The following ARHGEF33 variants were observed in gnomAD, a reference collection of about 807,000 sequenced individuals.
ARHGEF33 encodes the protein DH and coiled-coil domain-containing protein ENSP00000381780.
Under a neutral mutation model 101.9 loss-of-function variants are expected in ARHGEF33, and 72 were observed. That is an observed-to-expected ratio of 0.71 (90% CI 0.58 to 0.86). The LOEUF is 0.86. Among genes scored for constraint, ARHGEF33 ranks in the 40% least tolerant of loss-of-function variants. The pLI is 0.00. For missense variants in ARHGEF33, 1,169 were observed against 1,111.3 expected (o/e 1.05, Z -0.74); for synonymous variants, 499 against 442.5 (o/e 1.13, Z -1.60).
At chr2:38,942,494 GA>G (rs1361103557) in intron 9 of ARHGEF33, among the ~76,000 whole-genome samples, 1 of 141,814 alleles carries the variant, frequency 7.1e-6, no homozygotes, top group Non-Finnish European at 1.5e-5. Flanking sequence ...TTAAGAAAGG[GA>G]GATTTCTTTT....
In ARHGEF33 at chr2:38,960,035, A is replaced by G. The variant is rs1667874962; in HGVS notation, c.1730A>G (p.Glu577Gly). Residue 577 changes from glutamate (E) to glycine (G), a missense_variant, in exon 16 of 18, where the codon GAG (glutamate) becomes GGG (glycine). Coordinates refer to ENST00000409978, the MANE Select transcript of ARHGEF33 (RefSeq NM_001145451.5). The stretch of plus-strand genomic sequence containing the variant: ...GCCGGGCCCCTGCAGGCCATCCCGG[A>G]GATGGACTTCGAGTCCTCTCCGGCG... The part of the protein sequence containing the change: ...ALAGPLQAIP[E>G]MDFESSPAEP... 6.5e-7 allele frequency: 1 copy of G among 1,545,528 alleles called. No homozygotes were observed. Among genetic ancestry groups the G allele is most frequent in the Admixed American group, 2.0e-5 (1 of 50,826 alleles).
chr2:38,943,986 C>T lies in ARHGEF33; in HGVS notation c.876C>T (p.Ala292=), dbSNP rs1667376659. Residue 292 remains alanine, a synonymous_variant, in exon 10 of 18, where the codon GCC becomes GCT. Transcript: ENST00000409978. ...TCTCTCTGATCTTGAAGATAAAAGC[C>T]ACATTCCAGGGGTCAGATGGAAAGA... The part of the protein sequence containing the change: ...INISLILKIK[A]TFQGSDGKRN... The T allele has an allele frequency of 1.3e-6, 2 of 1,551,386 alleles. No homozygotes were observed. The highest frequency in any genetic ancestry group is 1.4e-5 in the African/African-American group (1 of 73,022).
intron 4 of ARHGEF33, among the ~76,000 whole-genome samples, chr2:38,922,799 A>G (rs920348272): frequency 1.3e-5 from 2 of 152,198 alleles, no homozygotes; most frequent in African/African-American, 4.8e-5. Flanking sequence ...ATGAATTAGT[A>G]TTGACTGGAG....
intron 13 of ARHGEF33, among the ~76,000 whole-genome samples, chr2:38,955,045 C>G (rs943141760): frequency 1.3e-5 from 2 of 152,194 alleles, no homozygotes; most frequent in African/African-American, 4.8e-5. Context: ...TAGAACCACT[C>G]CTGCTAGATT....
At chr2:38,915,726 A>G (rs144894086) in intron 2 of ARHGEF33, among the ~76,000 whole-genome samples, 2 of 152,258 alleles carry the variant, frequency 1.3e-5, no homozygotes, top group East Asian at 1.9e-4. Flanking sequence ...CTAACTTACT[A>G]TCCATCACAC....
intron 15 of ARHGEF33, 48 bp downstream of exon 15, chr2:38,958,246 C>T (rs1219408583): frequency 6.5e-7 from 1 of 1,546,198 alleles, no homozygotes; most frequent in Non-Finnish European, 8.7e-7. Context: ...CCTTTGGGAC[C>T]CAGCCAGTCT....
intron 15 of ARHGEF33, among the ~76,000 whole-genome samples, chr2:38,959,096 CAATTT>C (rs1667847393): frequency 6.6e-6 from 1 of 152,226 alleles, no homozygotes; most frequent in Non-Finnish European, 1.5e-5. Flanking sequence ...TTACATCTGT[CAATTT>C]AAGTCCAGAA....
intron 11 of ARHGEF33, among the ~76,000 whole-genome samples, chr2:38,952,721 C>A (rs746852621): frequency 6.6e-6 from 1 of 150,742 alleles, no homozygotes; most frequent in East Asian, 1.9e-4. Context: ...TTTTTTGAGC[C>A]GGAGTCTCAC....
Position 38,944,017 on chromosome 2 carries a change from T to C in ARHGEF33, c.907T>C (p.Ser303Pro). 1.9e-6 allele frequency: 3 copies of C among 1,550,094 alleles called. No individual in the cohort carries two copies. The South Asian group carries it at 3.6e-5, about 19-fold the overall frequency. The change falls in exon 10 of 18, where the codon TCC becomes CCC. Residue 303 changes from serine (S) to proline (P), a missense_variant. Physicochemically the swap from Ser to Pro is moderately conservative, Grantham distance 74. Coordinates refer to ENST00000409978, the MANE Select transcript of ARHGEF33 (RefSeq NM_001145451.5). ...TFQGSDGKRN[S>P]KERSLFPGSL... ...CCAGGGGTCAGATGGAAAGAGGAAT[T>C]CCAAAGAGAGAAGGTATCCATGCAC...
At chr2:38,904,996 C>A (rs1000286237) in intron 2 of ARHGEF33, among the ~76,000 whole-genome samples, 3 of 152,100 alleles carry the variant, frequency 2.0e-5, no homozygotes, top group Non-Finnish European at 4.4e-5. Flanking sequence ...GGCGATCATT[C>A]CGAGGTCTTG....
At chr2:38,914,917 T>TA (rs1199686263) in intron 2 of ARHGEF33, among the ~76,000 whole-genome samples, 15 of 152,198 alleles carry the variant, frequency 9.9e-5, no homozygotes, top group Non-Finnish European at 1.8e-4. Flanking sequence ...ACAGCCACAA[T>TA]AAAAACAGTA....
At chr2:38,909,646 T>C (rs1666466722) in intron 2 of ARHGEF33, among the ~76,000 whole-genome samples, 1 of 151,680 alleles carries the variant, frequency 6.6e-6, no homozygotes, top group African/African-American at 2.4e-5. Flanking sequence ...ACCCCTATTT[T>C]AATTTTAATT....
chr2:38,951,208 C>A (rs546754970), intron 11 of ARHGEF33, 87 bp downstream of exon 11: 29 of 1,298,896 alleles, frequency 2.2e-5, no homozygotes, highest in Admixed American at 1.4e-4. Context: ...AATCTAGAAG[C>A]AGTGAATTTC....
chr2:38,959,933 G>A lies in ARHGEF33; in HGVS notation c.1628G>A (p.Gly543Asp), dbSNP rs998668435. 8.4e-6 allele frequency: 13 copies of A among 1,551,742 alleles called. No individual in the cohort carries two copies. The highest frequency in any genetic ancestry group is 8.2e-5 in the African/African-American group (6 of 73,170). ...PGKPSDWELE[G>D]RKHERPESLL... ...AAGCCCAGTGACTGGGAGCTGGAGGGCAGGAAGCACGAGCGGCCCGAGAGC... is the reference window on the plus strand; with the variant it reads ...AAGCCCAGTGACTGGGAGCTGGAGGACAGGAAGCACGAGCGGCCCGAGAGC... The change falls in exon 16 of 18, where the codon GGC becomes GAC. Residue 543 changes from glycine (G) to aspartate (D), a missense_variant. Transcript: ENST00000409978.
At chr2:38,899,275 A>G (rs1666189955) in intron 2 of ARHGEF33, among the ~76,000 whole-genome samples, 1 of 152,192 alleles carries the variant, frequency 6.6e-6, no homozygotes, top group Non-Finnish European at 1.5e-5. Flanking sequence ...TCATTAAAAA[A>G]TATTTGATAA....
chr2:38,898,333 T>G (rs776486877), intron 2 of ARHGEF33, among the ~76,000 whole-genome samples: 4 of 152,232 alleles, frequency 2.6e-5, no homozygotes, highest in African/African-American at 9.6e-5. Context: ...AACACAAAAT[T>G]TGGGCAGCAC....
chr2:38,967,875 C>T (rs374091146), intron 17 of ARHGEF33, among the ~76,000 whole-genome samples: 2 of 151,270 alleles, frequency 1.3e-5, no homozygotes, highest in Non-Finnish European at 1.5e-5. Flanking sequence ...CCACCGCACC[C>T]GGCCAGACTC....
At position 38,937,445 on chromosome 2, in the gene ARHGEF33, G is replaced by T; in HGVS notation, c.676G>T (p.Gly226Cys). 6.5e-7 allele frequency: 1 copy of T among 1,549,898 alleles called. No homozygotes were observed. Among genetic ancestry groups the T allele is most frequent in the Non-Finnish European group, 8.7e-7 (1 of 1,145,920 alleles). ...TGGCATGTGGAGGCAGCCTAAGGATGGTAAAGAATGGGGTGAAGAATACGT... is the reference window on the plus strand; with the variant it reads ...TGGCATGTGGAGGCAGCCTAAGGATTGTAAAGAATGGGGTGAAGAATACGT... ...PSGMWRQPKD[G>C]KEWGEEYVTK... Residue 226 changes from glycine to cysteine, a missense_variant, in exon 9 of 18, where the codon GGT becomes TGT. By Grantham distance (159) the Gly-to-Cys change is radical. Transcript: ENST00000409978.
At chr2:38,965,160 T>G (rs1467082374) in intron 16 of ARHGEF33, among the ~76,000 whole-genome samples, 1 of 152,200 alleles carries the variant, frequency 6.6e-6, no homozygotes, top group African/African-American at 2.4e-5. Flanking sequence ...TTTGACTTCT[T>G]GGGGTTCTCT....
Sources: allele counts gnomAD v4.1 joint callset (sites outside exome capture counted in the v4.1 genomes callset), GRCh38; gene constraint gnomAD v4.1.1; transcripts MANE v1.5; gene names NCBI Gene and HGNC (gene_info 2026-07-23, HGNC 2026-07-21).